The following CNTN3 variants were observed in gnomAD, a reference collection of about 807,000 sequenced individuals.
CNTN3 encodes contactin-3.
Under a neutral mutation model 119.1 loss-of-function variants are expected in CNTN3, and 60 were observed. The observed-to-expected ratio is 0.50, with a 90% CI of 0.41 to 0.62. The LOEUF (loss-of-function observed/expected upper bound fraction) is 0.62. Among genes scored for constraint, CNTN3 ranks in the 20% least tolerant of loss-of-function variants. The probability of loss-of-function intolerance (pLI) is 0.00; values close to 1 mark genes in which losing one functional copy is unlikely to be tolerated. For synonymous variants in CNTN3, 450 were observed against 438.7 expected, an observed-to-expected ratio of 1.03 and a Z score of -0.32; for missense variants, 1,101 against 1,242.4, an observed-to-expected ratio of 0.89 and a Z score of 1.71.
At chr3:74,420,932 C>G (rs1701606471) in intron 5 of CNTN3, among the ~76,000 whole-genome samples, 1 of 152,166 alleles carries the variant, frequency 6.6e-6, no homozygotes, top group Non-Finnish European at 1.5e-5. Context: ...TGTGCCATTT[C>G]TAAGCAGGAA....
rs118109684 is a variant in CNTN3, at chr3:74,607,093, G to A, written c.-81+7298C>T. Among the ~76,000 whole-genome samples the A allele has an allele frequency of 6.7e-4, 102 of 152,246 alleles. No homozygotes were observed. In the East Asian group the frequency reaches 0.011, roughly 16 times the overall value. ...AAATAAATAGAAGCCCTAGTAAGAA[G>A]AGAAAAATTAACCTGCCTCGTATAT... On this transcript the variant is annotated intron_variant, in intron 1 of 22. Transcript: ENST00000263665.
chr3:74,533,524 C>T (rs1291284413), intron 1 of CNTN3, among the ~76,000 whole-genome samples: 2 of 151,960 alleles, frequency 1.3e-5, no homozygotes, highest in Non-Finnish European at 2.9e-5. Context: ...TATAAATATG[C>T]ACACATGTTA....
At chr3:74,318,795 C>G (rs773213186) in intron 13 of CNTN3, among the ~76,000 whole-genome samples, 11 of 152,092 alleles carry the variant, frequency 7.2e-5, no homozygotes, top group Admixed American at 7.2e-4. Flanking sequence ...TTAGGCTGCT[C>G]GGGGGTCAAG....
Position 74,499,753 on chromosome 3 carries a change from T to G in CNTN3, c.88A>C (p.Lys30Gln). Residue 30 changes from lysine (K) to glutamine (Q), a missense_variant, in exon 3 of 23, where the codon AAA becomes CAA. Physicochemically the swap from Lys to Gln is moderately conservative, Grantham distance 53 (BLOSUM62 1). Coordinates refer to ENST00000263665, the MANE Select transcript of CNTN3 (RefSeq NM_020872.3). Reference sequence around the variant, plus strand: ...GGGAAAATGCTGTTGCTGGGTTCTTTGATAAATACAGGGCCTTGTAAGAGA... The same window carrying G: ...GGGAAAATGCTGTTGCTGGGTTCTTGGATAAATACAGGGCCTTGTAAGAGA... Reference protein sequence around the residue: ...ELLLQGPVFIKEPSNSIFPVG... With the variant: ...ELLLQGPVFIQEPSNSIFPVG... The G allele has an allele frequency of 6.2e-7, 1 of 1,611,310 alleles. No individual in the cohort carries two copies. The highest frequency in any genetic ancestry group is 2.2e-5 in the East Asian group (1 of 44,752).
chr3:74,375,844 A>G (rs1704463302), intron 5 of CNTN3, among the ~76,000 whole-genome samples: 1 of 152,196 alleles, frequency 6.6e-6, no homozygotes, highest in Admixed American at 6.5e-5. Context: ...CCAGAACTGT[A>G]AGAGAATAAA....
intron 4 of CNTN3, among the ~76,000 whole-genome samples, chr3:74,449,466 T>G (rs538520936): frequency 2.8e-4 from 43 of 152,168 alleles, no homozygotes; most frequent in Admixed American, 9.2e-4. Flanking sequence ...TTTATAATAA[T>G]CAGCTGGGAA....
intron 13 of CNTN3, among the ~76,000 whole-genome samples, chr3:74,330,671 G>T (rs2106698769): frequency 6.6e-6 from 1 of 152,222 alleles, no homozygotes; most frequent in African/African-American, 2.4e-5. Flanking sequence ...AATTCCAGAA[G>T]AAGGCATTGC....
chr3:74,583,734 T>C (rs60836043), intron 1 of CNTN3, among the ~76,000 whole-genome samples: 7,108 of 152,326 alleles, frequency 0.047, 203 homozygotes, highest in African/African-American at 0.079. Flanking sequence ...AATCATACTT[T>C]AATTTTCAAA....
rs575505759 is a variant in CNTN3, at chr3:74,546,871, C to T, written c.-80-25679G>A. Among the ~76,000 whole-genome samples the T allele has an allele frequency of 3.3e-5, 5 of 152,320 alleles. No homozygotes were observed. In the South Asian group the frequency reaches 1.0e-3, roughly 32 times the overall value. On this transcript the variant is annotated intron_variant, in intron 1 of 22. Transcript: ENST00000263665. Reference sequence around the variant, plus strand: ...TCCTTCTAGAGAACCCTGGCTAATACACAGTCAAATACTCATGTTCACAAG... The same window carrying T: ...TCCTTCTAGAGAACCCTGGCTAATATACAGTCAAATACTCATGTTCACAAG...
intron 4 of CNTN3, among the ~76,000 whole-genome samples, chr3:74,472,112 C>T (rs142730363): frequency 2.4e-4 from 37 of 152,224 alleles, no homozygotes; most frequent in African/African-American, 8.2e-4. Context: ...TGTTCAATTA[C>T]GAACATTCTA....
intron 1 of CNTN3, among the ~76,000 whole-genome samples, chr3:74,556,603 T>G (rs1458715381): frequency 6.6e-6 from 1 of 152,140 alleles, no homozygotes; most frequent in Admixed American, 6.6e-5. Context: ...TGAACATTTG[T>G]GTACAAGTTT....
intron 11 of CNTN3, 132 bp from the exon 12 acceptor site, chr3:74,336,790 T>C: frequency 3.2e-6 from 2 of 621,546 alleles, no homozygotes; most frequent in Non-Finnish European, 2.6e-6. Flanking sequence ...CCTTAGCTTT[T>C]TGGGAATACA....
chr3:74,605,873 G>T (rs1704983001), intron 1 of CNTN3, among the ~76,000 whole-genome samples: 1 of 152,168 alleles, frequency 6.6e-6, no homozygotes. Flanking sequence ...TTGCTTGAAG[G>T]TAAGAGTGAG....
chr3:74,303,179 T>C (rs999640486), intron 13 of CNTN3, among the ~76,000 whole-genome samples: 2 of 152,144 alleles, frequency 1.3e-5, no homozygotes, highest in African/African-American at 2.4e-5. Context: ...TCCAACCCCT[T>C]TGCAATTATC....
At chr3:74,525,788 C>T (rs1446128914) in intron 1 of CNTN3, among the ~76,000 whole-genome samples, 1 of 151,794 alleles carries the variant, frequency 6.6e-6, no homozygotes, top group Non-Finnish European at 1.5e-5. Flanking sequence ...AAATGCTAGA[C>T]CTTGGACTCA....
intron 5 of CNTN3, among the ~76,000 whole-genome samples, chr3:74,377,637 T>C (rs1704511657): frequency 6.6e-6 from 1 of 152,216 alleles, no homozygotes; most frequent in Non-Finnish European, 1.5e-5. Context: ...ATTTGGCCAG[T>C]GGGCTTTCTA....
At chr3:74,320,094 G>A (rs2106668804) in intron 13 of CNTN3, among the ~76,000 whole-genome samples, 1 of 152,324 alleles carries the variant, frequency 6.6e-6, no homozygotes, top group South Asian at 2.1e-4. Context: ...TTCAACCATT[G>A]TGGAAGTCAG....
rs1425150201 is a variant in CNTN3 at position 74,499,783 on chromosome 3, C to T, written c.58G>A (p.Glu20Lys). Residue 20 changes from glutamate (E) to lysine (K), a missense_variant and splice_region_variant, in exon 3 of 23, where the codon GAG becomes AAG. Coordinates refer to ENST00000263665, the MANE Select transcript of CNTN3 (RefSeq NM_020872.3). ...AATACAGGGCCTTGTAAGAGAAGCT[C>T]ACCTATATGGGTGGGAGACATCCAA... ...LLSFIGCLGG[E>K]LLLQGPVFIK... 1 of 1,600,346 alleles carries T rather than the reference C, an allele frequency of 6.2e-7. No individual in the cohort carries two copies. Among genetic ancestry groups the T allele is most frequent in the Non-Finnish European group, 8.5e-7 (1 of 1,174,982 alleles).
intron 4 of CNTN3, among the ~76,000 whole-genome samples, chr3:74,478,966 A>C (rs141659825): frequency 5.4e-4 from 82 of 152,236 alleles, no homozygotes; most frequent in African/African-American, 1.9e-3. Context: ...CTTAAATTGT[A>C]AAAAATATTA....
Sources: gnomAD v4.1 joint callset for allele counts (sites outside exome capture counted in the v4.1 genomes callset) on GRCh38, gnomAD v4.1.1 for gene constraint, MANE v1.5 for transcripts, NCBI Gene and HGNC (gene_info 2026-07-23, HGNC 2026-07-21) for gene names.